Variants in RTF2 observed in about 807,000 individuals in gnomAD.
RTF2 encodes the protein UPF0549 protein C20orf43.
RTF2 carries 18 observed loss-of-function variants against 38.0 expected under a neutral mutation model. The ratio of observed to expected loss-of-function variants is 0.47; its 90% confidence interval spans 0.33 to 0.70. The LOEUF is 0.70. Among genes scored for constraint, RTF2 ranks in the 30% least tolerant of loss-of-function variants. The pLI, the probability that RTF2 is intolerant of heterozygous loss-of-function variation, is 0.02. For missense variants in RTF2, 311 were observed against 379.6 expected (o/e 0.82, Z 1.50); for synonymous variants, 126 against 137.1 (o/e 0.92, Z 0.57).
chr20:56,497,828 C>T (rs1407751063), intron 5 of RTF2, among the ~76,000 whole-genome samples: 1 of 152,128 alleles, frequency 6.6e-6, no homozygotes, highest in African/African-American at 2.4e-5. Flanking sequence ...CCTTTTTATC[C>T]TCTTTCTTTC....
In RTF2 at chr20:56,477,063, G is replaced by T; in HGVS notation, c.337G>T (p.Asp113Tyr). The T allele has an allele frequency of 6.2e-7, 1 of 1,614,058 alleles. No individual in the cohort carries two copies. The highest frequency in any genetic ancestry group is 1.1e-5 in the South Asian group (1 of 91,056). The change falls in exon 4 of 9, where the codon GAC (aspartate) becomes TAC (tyrosine). Residue 113 changes from aspartate to tyrosine, a missense_variant. Physicochemically the swap from Asp to Tyr is radical, Grantham distance 160. Transcript: ENST00000357348. ...KGNTKGDKHD[D>Y]LQRARFICPV... ...AAACACTAAAGGTGACAAGCACGAT[G>T]ACCTCCAGCGGGCGCGTTTCATCTG...
chr20:56,496,571 A>G (rs933333768), intron 5 of RTF2: 46 of 1,425,470 alleles, frequency 3.2e-5, no homozygotes, highest in African/African-American at 2.9e-4. Flanking sequence ...CAATCAATCA[A>G]TCAATCAATC....
At chr20:56,495,336 G>A (rs1461581975) in intron 5 of RTF2, 4 of 1,434,020 alleles carry the variant, frequency 2.8e-6, no homozygotes, top group Non-Finnish European at 3.8e-6. Flanking sequence ...TGTGGAATCT[G>A]CTTCCCAGTT....
chr20:56,483,979 G>A (rs1289580861), intron 4 of RTF2, 132 bp from the exon 5 acceptor site: 16 of 594,402 alleles, frequency 2.7e-5, no homozygotes, highest in Non-Finnish European at 4.1e-5. Flanking sequence ...CTATGAGAAC[G>A]TACTGATTTT....
chr20:56,473,453 G>A, intron 2 of RTF2, 58 bp downstream of exon 2: 1 of 1,245,468 alleles, frequency 8.0e-7, no homozygotes, highest in Non-Finnish European at 1.2e-6. Flanking sequence ...GAATTTTGAT[G>A]TGTAAATGCA....
Position 56,487,639 on chromosome 20 carries a change from G to T in RTF2, c.477+3450G>T, listed in dbSNP as rs182514532. On this transcript the variant is annotated intron_variant, in intron 5 of 8. Coordinates refer to ENST00000357348, the MANE Select transcript of RTF2 (RefSeq NM_016407.5). ...ATCAGAGTTGCCTTTGCAGAACTGT[G>T]TTGAATACTCTGTGCTAGTTTGTTG... 5.6e-3 allele frequency among the ~76,000 whole-genome samples: 859 copies of T among 152,362 alleles called. 4 individuals are homozygous for T. The highest frequency in any genetic ancestry group is 8.4e-3 in the Non-Finnish European group (570 of 68,034).
chr20:56,484,972 C>T (rs573258431), intron 5 of RTF2, among the ~76,000 whole-genome samples: 1 of 152,298 alleles, frequency 6.6e-6, no homozygotes, highest in African/African-American at 2.4e-5. Flanking sequence ...GCAGCTTTCA[C>T]TGAGTGATGG....
intron 1 of RTF2, among the ~76,000 whole-genome samples, chr20:56,469,763 T>C (rs1314926322): frequency 7.1e-6 from 1 of 141,654 alleles, no homozygotes; most frequent in African/African-American, 2.6e-5. Context: ...TGAGCAGACC[T>C]TGCCTATGTT....
At position 56,515,537 on chromosome 20, in the gene RTF2, A is replaced by G. The variant is rs148942852; in HGVS notation, c.592-1398A>G. On this transcript the variant is annotated intron_variant, in intron 6 of 8. Transcript: ENST00000357348. ...CAGTGAGCCAAGATCGTACCACTGC[A>G]CTTCAGCCTGGGCAACAGAGTGAGA... Among the ~76,000 whole-genome samples the G allele has an allele frequency of 3.3e-3, 507 of 151,526 alleles. 5 individuals carry two copies. Among genetic ancestry groups the G allele is most frequent in the African/African-American group, 0.012 (491 of 41,306 alleles).
intron 5 of RTF2, among the ~76,000 whole-genome samples, chr20:56,486,734 A>G (rs1358497421): frequency 6.6e-6 from 1 of 152,204 alleles, no homozygotes; most frequent in Non-Finnish European, 1.5e-5. Context: ...AAATATTAAG[A>G]TATTGACAGT....
chr20:56,518,369 C>A lies in RTF2; in HGVS notation c.*104C>A, dbSNP rs1304286835. ...GCTGCTGTGTGTTCTCTCTATAGTT[C>A]TGTGTCATAAAGCTGTCCTGGCCAG... On this transcript the variant is annotated 3_prime_UTR_variant, in exon 9 of 9. Transcript: ENST00000357348. 1 of 1,200,604 alleles carries A rather than the reference C, an allele frequency of 8.3e-7. No homozygotes were observed. The highest frequency in any genetic ancestry group is 1.2e-6 in the Non-Finnish European group (1 of 855,178). The allele number at this position is 1,200,604 out of a possible 1,614,324, so 74.4% of individuals were successfully genotyped here.
intron 1 of RTF2, chr20:56,472,241 A>G (rs1036917926): frequency 1.7e-5 from 14 of 820,474 alleles, no homozygotes; most frequent in Non-Finnish European, 2.6e-5. Flanking sequence ...TTAATAAAAT[A>G]AATTCAGCAG....
chr20:56,497,153 A>G, intron 5 of RTF2: 1 of 1,551,262 alleles, frequency 6.4e-7, no homozygotes, highest in African/African-American at 1.4e-5. Flanking sequence ...TTTGCACAGC[A>G]GTCTTATACT....
At chr20:56,478,923 C>T (rs752048990) in intron 4 of RTF2, among the ~76,000 whole-genome samples, 1 of 152,192 alleles carries the variant, frequency 6.6e-6, no homozygotes, top group Non-Finnish European at 1.5e-5. Context: ...TCTATCATAA[C>T]AATATTCACA....
intron 5 of RTF2, among the ~76,000 whole-genome samples, chr20:56,498,434 G>T (rs548160374): frequency 2.0e-5 from 3 of 151,916 alleles, no homozygotes; most frequent in Admixed American, 2.0e-4. Context: ...GCCACATGTG[G>T]TGGTGCCCTG....
At chr20:56,475,667 T>C (rs547077696) in intron 3 of RTF2, among the ~76,000 whole-genome samples, 114 of 152,326 alleles carry the variant, frequency 7.5e-4, no homozygotes, top group Admixed American at 1.6e-3. Flanking sequence ...CATAATGCTA[T>C]GATTGGGTTT....
chr20:56,505,487 C>CATAATAATAATAATAATA (rs60767194), intron 5 of RTF2, among the ~76,000 whole-genome samples: 2,426 of 139,608 alleles, frequency 0.017, 46 homozygotes, highest in African/African-American at 0.029. Context: ...GATGCCATCT[C>CATAATAATAATAATAATA]ATAATAATAA....
intron 5 of RTF2, among the ~76,000 whole-genome samples, chr20:56,512,276 G>A (rs1022131538): frequency 3.3e-5 from 5 of 152,154 alleles, no homozygotes; most frequent in African/African-American, 4.8e-5. Flanking sequence ...TCCACTCCTC[G>A]TTCTCTTTTT....
At chr20:56,492,880 T>A (rs913099390) in intron 5 of RTF2, among the ~76,000 whole-genome samples, 3 of 151,600 alleles carry the variant, frequency 2.0e-5, no homozygotes, top group Non-Finnish European at 4.4e-5. Context: ...ATCCTACTTT[T>A]AAAAAAACGT....
Sources: allele counts gnomAD v4.1 joint callset (sites outside exome capture counted in the v4.1 genomes callset), GRCh38; gene constraint gnomAD v4.1.1; transcripts MANE v1.5; gene names NCBI Gene and HGNC (gene_info 2026-07-23, HGNC 2026-07-21).